The following MEGF11 variants were observed in gnomAD, a reference collection of about 807,000 sequenced individuals.
The protein encoded by MEGF11 is multiple epidermal growth factor-like domains protein 11.
Under a neutral mutation model 146.6 loss-of-function variants are expected in MEGF11, and 126 were observed. That is an observed-to-expected ratio of 0.86 (90% CI 0.74 to 1.00). The LOEUF (loss-of-function observed/expected upper bound fraction) is 1.00. Among genes scored for constraint, MEGF11 ranks in the 50% least tolerant of loss-of-function variants. The pLI, the probability that MEGF11 is intolerant of heterozygous loss-of-function variation, is 0.00. For synonymous variants in MEGF11, 532 were observed against 583.4 expected, an observed-to-expected ratio of 0.91 and a Z score of 1.27; for missense variants, 1,509 against 1,521.2, an observed-to-expected ratio of 0.99 and a Z score of 0.13.
At chr15:66,208,086 G>C (rs1040876533) in intron 1 of MEGF11, among the ~76,000 whole-genome samples, 2 of 94,418 alleles carry the variant, frequency 2.1e-5, no homozygotes. Context: ...CTGTGCCTCA[G>C]AAAAAAAAAA....
chr15:66,109,124 C>G (rs2087251202), intron 4 of MEGF11, among the ~76,000 whole-genome samples: 1 of 152,156 alleles, frequency 6.6e-6, no homozygotes, highest in South Asian at 2.1e-4. Context: ...GCTTGGCCAG[C>G]AAAACCCAGC....
At chr15:66,057,033 A>T (rs2084702095) in intron 5 of MEGF11, among the ~76,000 whole-genome samples, 1 of 152,310 alleles carries the variant, frequency 6.6e-6, no homozygotes, top group Non-Finnish European at 1.5e-5. Flanking sequence ...CAAAATAAAG[A>T]TTTTGGGCCC....
At chr15:66,176,540 C>T (rs1003904962) in intron 1 of MEGF11, among the ~76,000 whole-genome samples, 1 of 152,140 alleles carries the variant, frequency 6.6e-6, no homozygotes, top group Non-Finnish European at 1.5e-5. Flanking sequence ...TCAGTCACAC[C>T]AGTGACTCAG....
At chr15:66,233,833 C>CCT in intron 1 of MEGF11, among the ~76,000 whole-genome samples, 1 of 151,966 alleles carries the variant, frequency 6.6e-6, no homozygotes, top group African/African-American at 2.4e-5. Flanking sequence ...ATATGAGGAA[C>CCT]GCCTGCCAAA....
At position 66,040,636 on chromosome 15, in the gene MEGF11, T is replaced by C. The variant is rs1305069472; in HGVS notation, c.394+53766A>G. 3.3e-5 allele frequency among the ~76,000 whole-genome samples: 5 copies of C among 152,202 alleles called. No individual in the cohort carries two copies. In the East Asian group the frequency reaches 9.7e-4, roughly 29 times the overall value. ...GATTATGTGGGCACAGAGGTGGCAG[T>C]GCTAAATGGGGAGGGTGAAGCCAGT... On this transcript the variant is annotated intron_variant, in intron 5 of 25. Transcript: ENST00000395614.
intron 1 of MEGF11, among the ~76,000 whole-genome samples, chr15:66,228,382 C>G (rs1330696582): frequency 6.6e-6 from 1 of 152,034 alleles, no homozygotes; most frequent in Non-Finnish European, 1.5e-5. Context: ...CCTCCTCCAC[C>G]AGGTTTCCTT....
At chr15:66,083,127 TC>T (rs1295643763) in intron 5 of MEGF11, among the ~76,000 whole-genome samples, 1 of 152,160 alleles carries the variant, frequency 6.6e-6, no homozygotes, top group African/African-American at 2.4e-5. Context: ...TGGGTTGACA[TC>T]CCTGGAAATC....
In MEGF11 at chr15:66,243,828, A is replaced by C. The variant is rs77801942; in HGVS notation, c.-9+9777T>G. Among the ~76,000 whole-genome samples, 626 of 152,250 alleles carry C rather than the reference A, an allele frequency of 4.1e-3. 21 individuals carry two copies. In the East Asian group the frequency reaches 0.083, roughly 20 times the overall value. On this transcript the variant is annotated intron_variant, in intron 1 of 25. Transcript: ENST00000395614. ...TTTGGTCTGAGAAAAGATAGGCCCT[A>C]GATACACAGGGGTAAGTCACCTCTA...
chr15:66,118,627 A>AT (rs2087852394), intron 4 of MEGF11, among the ~76,000 whole-genome samples: 1 of 152,034 alleles, frequency 6.6e-6, no homozygotes. Flanking sequence ...TGGTTTTGAC[A>AT]TCCAACAACT....
chr15:66,121,763 T>G (rs947067666), intron 3 of MEGF11, among the ~76,000 whole-genome samples: 1 of 152,194 alleles, frequency 6.6e-6, no homozygotes, highest in Non-Finnish European at 1.5e-5. Flanking sequence ...TGATTTATCC[T>G]TATGGAGGAC....
chr15:66,041,559 CCCTG>C (rs1309237382), intron 5 of MEGF11, among the ~76,000 whole-genome samples: 7 of 152,228 alleles, frequency 4.6e-5, no homozygotes. Flanking sequence ...CTGGGTCAAA[CCCTG>C]CCTGCCATTT....
intron 7 of MEGF11, 114 bp downstream of exon 7, chr15:65,980,664 G>C (rs1347829249): frequency 1.5e-6 from 2 of 1,378,110 alleles, no homozygotes; most frequent in Non-Finnish European, 1.9e-6. Flanking sequence ...CTCCCAAAGT[G>C]CTGGGATTAC....
chr15:65,917,088 G>A, intron 16 of MEGF11, 132 bp from the exon 17 acceptor site: 1 of 981,978 alleles, frequency 1.0e-6, no homozygotes, highest in Non-Finnish European at 1.5e-6. Context: ...GGCTTTCAGG[G>A]GCTTCATGCA....
chr15:65,913,905 A>G lies in MEGF11; in HGVS notation c.2542T>C (p.Ser848Pro), dbSNP rs1332325362. The G allele has an allele frequency of 5.0e-6, 8 of 1,613,898 alleles. No individual in the cohort carries two copies. Among genetic ancestry groups the G allele is most frequent in the Non-Finnish European group, 6.8e-6 (8 of 1,179,896 alleles). Residue 848 changes from serine to proline, a missense_variant, in exon 20 of 26, where the codon TCG (serine) becomes CCG (proline). By Grantham distance (74) the Ser-to-Pro change is moderately conservative (BLOSUM62 -1). Transcript: ENST00000395614. The part of the protein sequence containing the change: ...ISPALGAERH[S>P]VGAVTGIMLL... ...ATGATGCCTGTGACAGCACCCACCG[A>G]GTGCCGCTCTGCACCCAGTGCTGGG...
At chr15:66,066,103 T>C (rs1597046744) in intron 5 of MEGF11, among the ~76,000 whole-genome samples, 2 of 152,192 alleles carry the variant, frequency 1.3e-5, no homozygotes, top group East Asian at 3.8e-4. Flanking sequence ...GATAGCTCTG[T>C]GGGTTTGGCC....
intron 5 of MEGF11, among the ~76,000 whole-genome samples, chr15:66,071,647 T>A (rs2140474633): frequency 6.6e-6 from 1 of 152,206 alleles, no homozygotes; most frequent in South Asian, 2.1e-4. Context: ...GGTTCCCAGT[T>A]GGGGCTGTGA....
intron 1 of MEGF11, among the ~76,000 whole-genome samples, chr15:66,130,598 AAGAG>A (rs533326936): frequency 2.6e-5 from 4 of 151,916 alleles, no homozygotes; most frequent in African/African-American, 9.7e-5. Flanking sequence ...CATGAAAAGA[AAGAG>A]AGAGAGGGAA....
chr15:66,134,483 C>T (rs2088799492), intron 1 of MEGF11, among the ~76,000 whole-genome samples: 1 of 143,006 alleles, frequency 7.0e-6, no homozygotes, highest in Non-Finnish European at 1.6e-5. Flanking sequence ...GCAATCTGCC[C>T]ACTCCTGGCC....
chr15:66,107,983 G>A lies in MEGF11; in HGVS notation c.301+11103C>T, dbSNP rs79862337. On this transcript the variant is annotated intron_variant, in intron 4 of 25. Transcript: ENST00000395614. ...GGCCGGGGCTGGGTAGGGAGGTGTCGAGTGGGGCTCCCAGAGAATGTTAGG... is the reference window on the plus strand; with the variant it reads ...GGCCGGGGCTGGGTAGGGAGGTGTCAAGTGGGGCTCCCAGAGAATGTTAGG... Among the ~76,000 whole-genome samples, 4 of 152,304 alleles carry A rather than the reference G, an allele frequency of 2.6e-5. No homozygotes were observed. In the South Asian group the frequency reaches 8.3e-4, roughly 32 times the overall value.
Sources: gnomAD v4.1 joint callset for allele counts (sites outside exome capture counted in the v4.1 genomes callset) on GRCh38, gnomAD v4.1.1 for gene constraint, MANE v1.5 for transcripts, NCBI Gene and HGNC (gene_info 2026-07-23, HGNC 2026-07-21) for gene names.